MAML2: variants seen among roughly 807,000 people sequenced by gnomAD.
MAML2 encodes mastermind-like protein 2.
MAML2 carries 22 observed loss-of-function variants against 96.1 expected under a neutral mutation model. That is an observed-to-expected ratio of 0.23 (90% CI 0.16 to 0.33). The LOEUF is 0.33. Among genes scored for constraint, MAML2 ranks in the 10% least tolerant of loss-of-function variants. The probability of loss-of-function intolerance (pLI) is 1.00; values close to 1 mark genes in which losing one functional copy is unlikely to be tolerated. For missense variants in MAML2, 1,367 were observed against 1,392.4 expected, an observed-to-expected ratio of 0.98 and a Z score of 0.29; for synonymous variants, 561 against 521.3, an observed-to-expected ratio of 1.08 and a Z score of -1.04.
intron 1 of MAML2, among the ~76,000 whole-genome samples, chr11:96,290,232 C>T (rs1287962018): frequency 6.6e-6 from 1 of 152,182 alleles, no homozygotes; most frequent in Non-Finnish European, 1.5e-5. Flanking sequence ...AAGCTGAACT[C>T]TAACAGAGAT....
At chr11:96,317,664 C>T (rs527481180) in intron 1 of MAML2, among the ~76,000 whole-genome samples, 161 of 152,336 alleles carry the variant, frequency 1.1e-3, no homozygotes, top group Middle Eastern at 3.4e-3. Context: ...GGGCTGCAGG[C>T]TGCCCAGCTT....
intron 1 of MAML2, among the ~76,000 whole-genome samples, chr11:96,150,835 A>G (rs1860907874): frequency 6.6e-6 from 1 of 152,004 alleles, no homozygotes. Context: ...ACTCTAGTTT[A>G]TTTTGCCTCC....
At chr11:96,013,942 T>C (rs1434678933) in intron 2 of MAML2, among the ~76,000 whole-genome samples, 3 of 152,224 alleles carry the variant, frequency 2.0e-5, no homozygotes, top group Non-Finnish European at 2.9e-5. Context: ...GGGGATCTAA[T>C]TGAGCTGGTT....
intron 1 of MAML2, among the ~76,000 whole-genome samples, chr11:96,140,750 C>A (rs754683705): frequency 1.3e-5 from 2 of 152,128 alleles, no homozygotes; most frequent in Non-Finnish European, 2.9e-5. Flanking sequence ...GAGGGTCAGG[C>A]GGCTCTTCCT....
chr11:96,008,241 T>C (rs567611887), intron 2 of MAML2, among the ~76,000 whole-genome samples: 1 of 54 alleles, frequency 0.019, no homozygotes, highest in East Asian at 0.25. Flanking sequence ...GTTGGTTGTA[T>C]CGGATTCTAG....
chr11:96,095,438 T>C (rs1459410444), intron 1 of MAML2, among the ~76,000 whole-genome samples: 4 of 152,216 alleles, frequency 2.6e-5, no homozygotes, highest in African/African-American at 9.6e-5. Context: ...TCATTGCTGA[T>C]TGGTAATCAG....
At chr11:96,069,700 A>G (rs1428560352) in intron 2 of MAML2, among the ~76,000 whole-genome samples, 1 of 151,530 alleles carries the variant, frequency 6.6e-6, no homozygotes, top group African/African-American at 2.4e-5. Context: ...TAAATAATAA[A>G]ATTCATATAA....
At chr11:95,984,621 T>C (rs1240086741) in intron 4 of MAML2, among the ~76,000 whole-genome samples, 1 of 152,068 alleles carries the variant, frequency 6.6e-6, no homozygotes, top group East Asian at 1.9e-4. Flanking sequence ...AGGCAACCTG[T>C]TGTATTTGAG....
chr11:96,077,252 G>A (rs928777592), intron 2 of MAML2, among the ~76,000 whole-genome samples: 9 of 104,924 alleles, frequency 8.6e-5, no homozygotes, highest in African/African-American at 3.1e-4. Flanking sequence ...AGACAGTCTC[G>A]CTCTGTCACC....
At chr11:96,006,660 G>A (rs1216941297) in intron 2 of MAML2, among the ~76,000 whole-genome samples, 1 of 151,030 alleles carries the variant, frequency 6.6e-6, no homozygotes, top group Non-Finnish European at 1.5e-5. Context: ...CCAGGTTCAA[G>A]TGATTCTCCT....
At chr11:96,308,893 T>G (rs1863501307) in intron 1 of MAML2, among the ~76,000 whole-genome samples, 1 of 152,250 alleles carries the variant, frequency 6.6e-6, no homozygotes. Flanking sequence ...ATGCTTCATT[T>G]ATCTATACAC....
At chr11:96,026,990 G>A (rs754579832) in intron 2 of MAML2, among the ~76,000 whole-genome samples, 41 of 152,104 alleles carry the variant, frequency 2.7e-4, no homozygotes, top group Non-Finnish European at 4.7e-4. Context: ...TTCATGAATC[G>A]ATGAATAAAT....
rs55659413 is a variant in MAML2, at chr11:96,240,557, CAAAAAAAAAA to C, written c.513+100816_513+100825del. Among the ~76,000 whole-genome samples the C allele has an allele frequency of 1.9e-3, 97 of 51,102 alleles. 3 individuals carry two copies. Among genetic ancestry groups the C allele is most frequent in the Middle Eastern group, 0.026 (1 of 38 alleles). The allele number at this position is 51,102 out of a possible 152,430, so 33.5% of individuals were successfully genotyped here. A position where few individuals can be genotyped will look rare whatever the true frequency, so the allele number is the denominator to read the frequency against. On this transcript the variant is annotated intron_variant, in intron 1 of 4. Transcript: ENST00000524717. ...TGGGCGACAGAGCGAGACTCCGTCT[CAAAAAAAAAA>C]AAAAAAAAAAAAAAAAGAAAGCTGA...
chr11:95,980,349 T>C (rs576425376), intron 4 of MAML2, among the ~76,000 whole-genome samples: 147 of 152,222 alleles, frequency 9.7e-4, no homozygotes, highest in South Asian at 6.2e-3. Flanking sequence ...CATGTTACTG[T>C]TTACCCCAGG....
At chr11:96,087,908 A>G (rs566974891) in intron 2 of MAML2, among the ~76,000 whole-genome samples, 1 of 152,250 alleles carries the variant, frequency 6.6e-6, no homozygotes, top group South Asian at 2.1e-4. Context: ...CAAGATTTCT[A>G]TTTCTTCTCT....
intron 2 of MAML2, among the ~76,000 whole-genome samples, chr11:96,022,116 C>T (rs1263436200): frequency 6.6e-6 from 1 of 152,198 alleles, no homozygotes; most frequent in Non-Finnish European, 1.5e-5. Flanking sequence ...GGATCTCTAT[C>T]ACTGCTCCTG....
At chr11:96,002,215 G>C (rs1027518927) in intron 2 of MAML2, among the ~76,000 whole-genome samples, 2 of 152,018 alleles carry the variant, frequency 1.3e-5, no homozygotes, top group Admixed American at 6.6e-5. Context: ...AAATTCCCAG[G>C]GTATAGCAGA....
At chr11:96,138,592 T>C (rs555544429) in intron 1 of MAML2, among the ~76,000 whole-genome samples, 1 of 152,172 alleles carries the variant, frequency 6.6e-6, no homozygotes, top group East Asian at 1.9e-4. Context: ...CCCCAAGTGG[T>C]CAGCCAGCAT....
chr11:95,988,538 G>A (rs1857864182), intron 3 of MAML2, among the ~76,000 whole-genome samples: 3 of 146,814 alleles, frequency 2.0e-5, no homozygotes, highest in Non-Finnish European at 4.5e-5. Context: ...AATATTTATA[G>A]TATATATATT....
Sources: gnomAD v4.1 joint callset for allele counts (sites outside exome capture counted in the v4.1 genomes callset) on GRCh38, gnomAD v4.1.1 for gene constraint, MANE v1.5 for transcripts, NCBI Gene and HGNC (gene_info 2026-07-23, HGNC 2026-07-21) for gene names.